OPCML: variants seen among roughly 807,000 people sequenced by gnomAD.
OPCML encodes the protein opioid binding protein/cell adhesion molecule like.
OPCML carries 13 observed loss-of-function variants against 37.8 expected under a neutral mutation model. The ratio of observed to expected loss-of-function variants is 0.34; its 90% CI spans 0.22 to 0.55. The LOEUF (loss-of-function observed/expected upper bound fraction) is 0.55, where lower values mean the gene tolerates loss of function less well. Ranked by LOEUF, OPCML falls within the 20% of genes least tolerant of loss-of-function variation. OPCML has a pLI of 0.91. For synonymous variants in OPCML, 176 were observed against 168.8 expected, an observed-to-expected ratio of 1.04 and a Z score of -0.33; for missense variants, 341 against 435.6, an observed-to-expected ratio of 0.78 and a Z score of 1.93.
At chr11:133,389,723 G>A (rs1945128497) in intron 1 of OPCML, among the ~76,000 whole-genome samples, 1 of 152,090 alleles carries the variant, frequency 6.6e-6, no homozygotes, top group African/African-American at 2.4e-5. Context: ...TACTGTTCAG[G>A]GGACATTCTT....
chr11:133,135,448 T>C (rs1949675041), intron 1 of OPCML, among the ~76,000 whole-genome samples: 3 of 151,846 alleles, frequency 2.0e-5, no homozygotes, highest in Admixed American at 2.0e-4. Context: ...AGGTTTTTTT[T>C]TTTTTTTTTT....
chr11:133,110,158 C>G (rs1949228491), intron 1 of OPCML, among the ~76,000 whole-genome samples: 1 of 152,166 alleles, frequency 6.6e-6, no homozygotes, highest in South Asian at 2.1e-4. Flanking sequence ...CAACCCTGTT[C>G]TGGTCCATTA....
chr11:132,977,015 A>G (rs534500700), intron 1 of OPCML, among the ~76,000 whole-genome samples: 11 of 152,336 alleles, frequency 7.2e-5, no homozygotes, highest in Admixed American at 3.3e-4. Context: ...CTTGTCCCAC[A>G]TACTTTCCTC....
chr11:132,468,288 G>T (rs2096125714), intron 4 of OPCML, among the ~76,000 whole-genome samples: 1 of 152,104 alleles, frequency 6.6e-6, no homozygotes, highest in Non-Finnish European at 1.5e-5. Flanking sequence ...CCCTCTGCAG[G>T]CAAACTAATT....
At position 133,208,826 on chromosome 11, in the gene OPCML, A is replaced by G. The variant is rs1327539852; in HGVS notation, c.62-265816T>C. 6.6e-6 allele frequency among the ~76,000 whole-genome samples: 1 copy of G among 152,206 alleles called. No homozygotes were observed. The highest frequency in any genetic ancestry group is 1.5e-5 in the Non-Finnish European group (1 of 68,044). On this transcript the variant is annotated intron_variant, in intron 1 of 7. Transcript: ENST00000524381. The surrounding 1 kb of genome is among the most constrained non-coding windows in gnomAD (Gnocchi z 8.9). Reference sequence around the variant, plus strand: ...GTGAAGATATAAGACTTCATTCCCTATAAATCACGCTATTCCATGACTACC... The same window carrying G: ...GTGAAGATATAAGACTTCATTCCCTGTAAATCACGCTATTCCATGACTACC...
intron 1 of OPCML, among the ~76,000 whole-genome samples, chr11:133,022,281 G>A (rs574906238): frequency 1.3e-5 from 2 of 152,296 alleles, no homozygotes; most frequent in South Asian, 4.1e-4. Flanking sequence ...CTTGTGAAGG[G>A]AAACTTGATG....
At chr11:133,019,114 G>A (rs529039068) in intron 1 of OPCML, among the ~76,000 whole-genome samples, 1 of 152,314 alleles carries the variant, frequency 6.6e-6, no homozygotes, top group South Asian at 2.1e-4. Flanking sequence ...TCTTGCTTTT[G>A]TTTCCTGGAC....
chr11:132,537,730 A>T (rs1244240208), intron 3 of OPCML, among the ~76,000 whole-genome samples: 2 of 152,244 alleles, frequency 1.3e-5, no homozygotes, highest in African/African-American at 4.8e-5. Context: ...AATGTCAAAT[A>T]ATCCAATTTA....
At chr11:133,383,856 G>T (rs904519264) in intron 1 of OPCML, among the ~76,000 whole-genome samples, 6 of 152,174 alleles carry the variant, frequency 3.9e-5, no homozygotes, top group Admixed American at 1.3e-4. Context: ...TGAACAGACA[G>T]GATGTCTACA....
intron 3 of OPCML, among the ~76,000 whole-genome samples, chr11:132,592,822 G>C (rs1247920746): frequency 2.6e-5 from 4 of 152,178 alleles, no homozygotes; most frequent in Admixed American, 2.6e-4. Context: ...CTAAGACCTA[G>C]TAATTCTGTG....
intron 1 of OPCML, among the ~76,000 whole-genome samples, chr11:133,100,272 C>A (rs571012373): frequency 1.3e-5 from 2 of 152,224 alleles, no homozygotes; most frequent in Admixed American, 1.3e-4. Flanking sequence ...CAGCAACATG[C>A]AATTTACGCA....
intron 7 of OPCML, among the ~76,000 whole-genome samples, chr11:132,434,968 G>C (rs1301342490): frequency 1.3e-5 from 2 of 152,160 alleles, no homozygotes; most frequent in Non-Finnish European, 2.9e-5. Context: ...ATTCCACAGA[G>C]TGCATTTGAA....
intron 1 of OPCML, among the ~76,000 whole-genome samples, chr11:133,520,980 A>G (rs1471031282): frequency 6.6e-6 from 1 of 152,168 alleles, no homozygotes; most frequent in Non-Finnish European, 1.5e-5. Flanking sequence ...CTCCAAAACA[A>G]GAGTCACAGA....
chr11:133,445,910 G>A (rs1008145305), intron 1 of OPCML, among the ~76,000 whole-genome samples: 1 of 152,070 alleles, frequency 6.6e-6, no homozygotes, highest in African/African-American at 2.4e-5. Context: ...AGAAGGAAGG[G>A]GGGGCTGCCA....
chr11:132,678,092 A>C (rs919541893), intron 2 of OPCML, among the ~76,000 whole-genome samples: 1 of 152,246 alleles, frequency 6.6e-6, no homozygotes, highest in Non-Finnish European at 1.5e-5. Flanking sequence ...CAAAGACCTT[A>C]ATAGACACCT....
chr11:132,529,980 C>T (rs1287132818), intron 3 of OPCML, among the ~76,000 whole-genome samples: 1 of 152,158 alleles, frequency 6.6e-6, no homozygotes, highest in Non-Finnish European at 1.5e-5. Context: ...GCTACATGAC[C>T]GTTAGCAAGG....
intron 7 of OPCML, among the ~76,000 whole-genome samples, chr11:132,429,034 GGGATGGATGGAT>G (rs71477763): frequency 0.02 from 2,872 of 146,568 alleles, 92 homozygotes; most frequent in African/African-American, 0.067. Flanking sequence ...AATGGATGGA[GGGATGGATGGAT>G]GGATGGATGG....
intron 2 of OPCML, among the ~76,000 whole-genome samples, chr11:132,892,457 C>A (rs184931651): frequency 6.6e-6 from 1 of 152,146 alleles, no homozygotes; most frequent in Admixed American, 6.5e-5. Context: ...GAGAGAGGCC[C>A]TTTCTCGCTT....
intron 4 of OPCML, among the ~76,000 whole-genome samples, chr11:132,455,838 G>T (rs1188674142): frequency 6.6e-6 from 1 of 151,996 alleles, no homozygotes; most frequent in Non-Finnish European, 1.5e-5. Flanking sequence ...TATAATCTCT[G>T]CCCTCACACA....
Sources: gnomAD v4.1 joint callset for allele counts (sites outside exome capture counted in the v4.1 genomes callset) on GRCh38, gnomAD v4.1.1 for gene constraint, Gnocchi (gnomAD v3.1) non-coding constraint, MANE v1.5 for transcripts, NCBI Gene and HGNC (gene_info 2026-07-23, HGNC 2026-07-21) for gene names.